The following COX6C variants were observed in gnomAD, a reference collection of about 807,000 sequenced individuals.
The protein encoded by COX6C is cytochrome c oxidase polypeptide VIc.
Under a neutral mutation model 6.9 loss-of-function variants are expected in COX6C, and 3 were observed. The observed-to-expected ratio is 0.43, with a 90% CI of 0.20 to 1.12. COX6C has a LOEUF of 1.12. Among genes scored for constraint, COX6C ranks in the 50% most tolerant of loss-of-function variants. The pLI is 0.27. For synonymous variants in COX6C, 32 were observed against 32.0 expected (o/e 1.00, Z 0.00); for missense variants, 101 against 97.3 (o/e 1.04, Z -0.16).
chr8:99,879,875 T>C (rs1175576873), intron 3 of COX6C, among the ~76,000 whole-genome samples: 1 of 152,100 alleles, frequency 6.6e-6, no homozygotes, highest in African/African-American at 2.4e-5. Flanking sequence ...CTGAAAGCAA[T>C]GATGGGTACC....
In COX6C at chr8:99,878,108, T is replaced by C. The variant is rs1390860535; in HGVS notation, c.*173A>G. On this transcript the variant is annotated 3_prime_UTR_variant, in exon 4 of 4. Transcript: ENST00000520468. ...CCAATTCTTATGCTAGTAAGTGCCC[T>C]GCATTATCATTAAGAACTGAGAAAG... The C allele has an allele frequency of 6.6e-6, 1 of 152,234 alleles. No individual in the cohort carries two copies. The highest frequency in any genetic ancestry group is 2.4e-5 in the African/African-American group (1 of 41,458). 9.4% of individuals were successfully genotyped at this position (152,234 alleles called of 1,614,324 possible). A position where few individuals can be genotyped will look rare whatever the true frequency, so the allele number is the denominator to read the frequency against.
chr8:99,890,174 G>C (rs183561724), intron 2 of COX6C, among the ~76,000 whole-genome samples: 3 of 151,938 alleles, frequency 2.0e-5, no homozygotes, highest in South Asian at 2.1e-4. Context: ...TATCGCCCAG[G>C]CTGGTCTTGA....
chr8:99,880,831 A>T (rs1817851053), intron 3 of COX6C, among the ~76,000 whole-genome samples: 1 of 152,174 alleles, frequency 6.6e-6, no homozygotes, highest in Non-Finnish European at 1.5e-5. Context: ...CAGAGAGCTT[A>T]AAAAAACAAA....
chr8:99,891,400 A>T (rs1818029532), intron 2 of COX6C, among the ~76,000 whole-genome samples: 1 of 152,194 alleles, frequency 6.6e-6, no homozygotes, highest in African/African-American at 2.4e-5. Flanking sequence ...TCTACAAAAA[A>T]TATAAAAATT....
chr8:99,893,581 G>C (rs1818093836), intron 1 of COX6C, 58 bp downstream of exon 1: 1 of 152,362 alleles, frequency 6.6e-6, no homozygotes, highest in Admixed American at 6.5e-5. Context: ...AAAGCGGGAG[G>C]GTGCCGTTGT....
intron 3 of COX6C, among the ~76,000 whole-genome samples, chr8:99,880,786 T>C (rs1254388248): frequency 6.7e-6 from 1 of 150,126 alleles, no homozygotes; most frequent in East Asian, 1.9e-4. Context: ...AGCAGACCAA[T>C]ATAGGTATTA....
At chr8:99,885,470 G>C (rs1817931311) in intron 3 of COX6C, among the ~76,000 whole-genome samples, 1 of 152,162 alleles carries the variant, frequency 6.6e-6, no homozygotes, top group Admixed American at 6.5e-5. Context: ...CCCGAAGACA[G>C]ACATACAGAC....
At chr8:99,883,584 G>T (rs143822119) in intron 3 of COX6C, among the ~76,000 whole-genome samples, 1 of 151,648 alleles carries the variant, frequency 6.6e-6, no homozygotes, top group Non-Finnish European at 1.5e-5. Context: ...TTACAGGCAT[G>T]AGCCACCATG....
At chr8:99,885,074 G>C (rs1817926208) in intron 3 of COX6C, among the ~76,000 whole-genome samples, 1 of 152,144 alleles carries the variant, frequency 6.6e-6, no homozygotes, top group Non-Finnish European at 1.5e-5. Flanking sequence ...CAAAGCTAGA[G>C]GACTCACACT....
At position 99,880,708 on chromosome 8, in the gene COX6C, T is replaced by C. The variant is rs557575938; in HGVS notation, c.*16-2443A>G. ...ATGGTGAGACCCCATCTCTATAAAA[T>C]TAAATTAAATTTTAAAAGTCTGAAG... On this transcript the variant is annotated intron_variant, in intron 3 of 3. Transcript: ENST00000520468. Among the ~76,000 whole-genome samples the C allele has an allele frequency of 2.0e-5, 3 of 151,304 alleles. No individual in the cohort carries two copies. The East Asian group carries it at 5.9e-4, about 30-fold the overall frequency.
chr8:99,880,709 T>A (rs1233584249), intron 3 of COX6C, among the ~76,000 whole-genome samples: 3 of 151,146 alleles, frequency 2.0e-5, no homozygotes, highest in Admixed American at 2.0e-4. Context: ...TCTATAAAAT[T>A]AAATTAAATT....
At chr8:99,892,206 G>A (rs1388855937) in intron 1 of COX6C, among the ~76,000 whole-genome samples, 154 bp from the exon 2 acceptor site, 2 of 152,158 alleles carry the variant, frequency 1.3e-5, no homozygotes, top group Non-Finnish European at 2.9e-5. Context: ...GGCAGAAACA[G>A]GGTCTAGCTA....
chr8:99,882,148 T>G (rs533490877), intron 3 of COX6C, among the ~76,000 whole-genome samples: 1 of 152,250 alleles, frequency 6.6e-6, no homozygotes, highest in South Asian at 2.1e-4. Context: ...AGTAGAGGAC[T>G]TCAATACTCC....
intron 3 of COX6C, chr8:99,878,528 G>A (rs1588823930): frequency 6.6e-6 from 1 of 152,032 alleles, no homozygotes; most frequent in Non-Finnish European, 1.5e-5. Context: ...TGTGTGCATT[G>A]AACAAATTCT....
At chr8:99,892,210 C>T (rs1449437641) in intron 1 of COX6C, among the ~76,000 whole-genome samples, 158 bp from the exon 2 acceptor site, 2 of 152,158 alleles carry the variant, frequency 1.3e-5, no homozygotes, top group African/African-American at 4.8e-5. Context: ...GAAACAGGGT[C>T]TAGCTATGCT....
intron 3 of COX6C, 30 bp from the exon 4 acceptor site, chr8:99,878,295 G>C (rs1490458666): frequency 6.6e-6 from 1 of 152,184 alleles, no homozygotes; most frequent in Non-Finnish European, 1.5e-5. Flanking sequence ...GGCTAAGTTA[G>C]AGATAAACAC....
At chr8:99,884,703 G>A (rs540821774) in intron 3 of COX6C, among the ~76,000 whole-genome samples, 46 of 152,244 alleles carry the variant, frequency 3.0e-4, no homozygotes, top group Middle Eastern at 3.4e-3. Flanking sequence ...TGAAACTATG[G>A]ATGGTACCAA....
At chr8:99,881,823 T>C (rs1010506353) in intron 3 of COX6C, among the ~76,000 whole-genome samples, 4 of 152,188 alleles carry the variant, frequency 2.6e-5, no homozygotes, top group African/African-American at 9.7e-5. Flanking sequence ...ATTAAAAACC[T>C]GGATCCAATT....
chr8:99,880,613 T>C (rs1052847501), intron 3 of COX6C, among the ~76,000 whole-genome samples: 1 of 152,082 alleles, frequency 6.6e-6, no homozygotes, highest in Admixed American at 6.5e-5. Flanking sequence ...TGGTGGCTCA[T>C]GCCTGTAATC....
Sources: gnomAD v4.1 joint callset for allele counts (sites outside exome capture counted in the v4.1 genomes callset) on GRCh38, gnomAD v4.1.1 for gene constraint, MANE v1.5 for transcripts, NCBI Gene and HGNC (gene_info 2026-07-23, HGNC 2026-07-21) for gene names.